The following ZNF385D variants were observed in gnomAD, a reference collection of about 807,000 sequenced individuals.
The protein encoded by ZNF385D is zinc finger protein 385D, also known as zinc finger protein 659.
ZNF385D carries 15 observed loss-of-function variants against 35.8 expected under a neutral mutation model. The ratio of observed to expected loss-of-function variants is 0.42; its 90% CI spans 0.28 to 0.64. The LOEUF (loss-of-function observed/expected upper bound fraction) is 0.64. Ranked by LOEUF, ZNF385D falls within the 30% of genes least tolerant of loss-of-function variation. ZNF385D has a pLI of 0.23. For missense variants in ZNF385D, 474 were observed against 494.6 expected (o/e 0.96, Z 0.39); for synonymous variants, 212 against 186.8 (o/e 1.13, Z -1.10).
At position 22,066,362 on chromosome 3, in the gene ZNF385D, C is replaced by G. The variant is rs557433040; in HGVS notation, c.325+102455G>C. 4.9e-5 allele frequency among the ~76,000 whole-genome samples: 7 copies of G among 144,216 alleles called. No homozygotes were observed. The East Asian group carries it at 1.4e-3, about 29-fold the overall frequency. 94.6% of individuals were successfully genotyped at this position (144,216 alleles called of 152,430 possible). A position where few individuals can be genotyped will look rare whatever the true frequency, so the allele number is the denominator to read the frequency against. Reference sequence around the variant, plus strand: ...AAAAGATACTGGGCGAGATGGTTCCCTGTGTGTGTGTGTGTATGTAAAAAG... The same window carrying G: ...AAAAGATACTGGGCGAGATGGTTCCGTGTGTGTGTGTGTGTATGTAAAAAG... On this transcript the variant is annotated intron_variant, in intron 3 of 5. Coordinates refer to the ZNF385D transcript ENST00000494108.
chr3:21,691,216 TTC>T (rs2067273930), intron 1 of ZNF385D, among the ~76,000 whole-genome samples: 3 of 152,124 alleles, frequency 2.0e-5, no homozygotes, highest in Admixed American at 1.3e-4. Context: ...TCCAGGTTGT[TTC>T]TGTGTTGCCA....
upstream of ZNF385D, among the ~76,000 whole-genome samples, chr3:21,751,731 T>C (rs1283492753): frequency 6.6e-6 from 1 of 152,148 alleles, no homozygotes; most frequent in Non-Finnish European, 1.5e-5. Context: ...AGAAAGCTAG[T>C]ACTTGGTGAA....
intron 3 of ZNF385D, among the ~76,000 whole-genome samples, chr3:21,787,179 G>A (rs1472081595): frequency 1.3e-5 from 2 of 152,120 alleles, no homozygotes; most frequent in East Asian, 1.9e-4. Flanking sequence ...TATCTGGGGG[G>A]TTACTGATGA....
chr3:21,440,192 T>G (rs1701786954), intron 4 of ZNF385D, among the ~76,000 whole-genome samples: 1 of 152,088 alleles, frequency 6.6e-6, no homozygotes, highest in South Asian at 2.1e-4. Flanking sequence ...GCAAAGAAGT[T>G]TACTTTAATA....
chr3:21,660,467 G>C (rs1196629217), intron 2 of ZNF385D, among the ~76,000 whole-genome samples: 1 of 152,074 alleles, frequency 6.6e-6, no homozygotes, highest in Non-Finnish European at 1.5e-5. Context: ...ATGGGGACGG[G>C]GGCATGGTAT....
At chr3:21,433,563 A>C (rs1425855865) in intron 5 of ZNF385D, among the ~76,000 whole-genome samples, 1 of 152,090 alleles carries the variant, frequency 6.6e-6, no homozygotes, top group Non-Finnish European at 1.5e-5. Flanking sequence ...GCACTATTAG[A>C]GGGGCAGGGC....
intron 3 of ZNF385D, among the ~76,000 whole-genome samples, chr3:22,100,601 A>G (rs1362596917): frequency 1.3e-5 from 2 of 149,404 alleles, no homozygotes; most frequent in African/African-American, 2.5e-5. Context: ...ACCAAACATC[A>G]CATATTCTCA....
At chr3:22,049,089 G>T (rs561183317) in intron 3 of ZNF385D, among the ~76,000 whole-genome samples, 2 of 152,102 alleles carry the variant, frequency 1.3e-5, no homozygotes, top group South Asian at 4.1e-4. Context: ...TTCAGGTCAG[G>T]AGTTTGAGAC....
chr3:22,292,714 CTGTATTTG>C (rs1410402458), intron 2 of ZNF385D, among the ~76,000 whole-genome samples: 1 of 152,008 alleles, frequency 6.6e-6, no homozygotes, highest in African/African-American at 2.4e-5. Flanking sequence ...TATTTGTTTT[CTGTATTTG>C]ATAGTTAGAA....
At chr3:21,578,743 G>A (rs897556269) in intron 2 of ZNF385D, among the ~76,000 whole-genome samples, 3 of 152,146 alleles carry the variant, frequency 2.0e-5, no homozygotes, top group Non-Finnish European at 2.9e-5. Flanking sequence ...TAGCTTTGTA[G>A]TGAATTTTGA....
rs368658679 is a variant in ZNF385D, at chr3:22,190,178, G to A, written c.107-21143C>T. Among the ~76,000 whole-genome samples, 4 of 152,104 alleles carry A rather than the reference G, an allele frequency of 2.6e-5. No individual in the cohort carries two copies. In the East Asian group the frequency reaches 5.8e-4, roughly 22 times the overall value. On this transcript the variant is annotated intron_variant, in intron 2 of 5. Coordinates refer to the ZNF385D transcript ENST00000494108. ...TAATTTCTAAAACAATTACTTGTGG[G>A]CAAATATATTAATAATATTCAAATA...
chr3:21,476,363 A>T (rs971010699), intron 4 of ZNF385D, among the ~76,000 whole-genome samples: 1 of 152,072 alleles, frequency 6.6e-6, no homozygotes, highest in African/African-American at 2.4e-5. Context: ...CTTTGAAGCA[A>T]TTATCCTTGA....
At chr3:21,739,953 G>T (rs73822034) in intron 1 of ZNF385D, among the ~76,000 whole-genome samples, 2,175 of 152,168 alleles carry the variant, frequency 0.014, 52 homozygotes, top group African/African-American at 0.05. Flanking sequence ...ATTAAGAAAC[G>T]GAGGCTCAAA....
intron 3 of ZNF385D, chr3:22,133,698 ACT>A (rs1703938405): frequency 1.3e-5 from 2 of 152,044 alleles, no homozygotes; most frequent in South Asian, 4.2e-4. Flanking sequence ...CTATCAGAAG[ACT>A]CTGAAAAATT....
chr3:22,124,410 GA>G (rs1269004935), intron 3 of ZNF385D, among the ~76,000 whole-genome samples: 4 of 152,062 alleles, frequency 2.6e-5, no homozygotes, highest in Non-Finnish European at 5.9e-5. Context: ...ATATCTCTTT[GA>G]TATACTGATT....
At chr3:21,769,012 T>C (rs1231821228) in intron 3 of ZNF385D, among the ~76,000 whole-genome samples, 2 of 152,050 alleles carry the variant, frequency 1.3e-5, no homozygotes, top group Non-Finnish European at 2.9e-5. Flanking sequence ...TTGTTATAAA[T>C]AGCTCTTATT....
In ZNF385D at chr3:21,983,553, G is replaced by A. The variant is rs1576081655; in HGVS notation, c.325+185264C>T. On this transcript the variant is annotated intron_variant, in intron 3 of 5. Transcript: ENST00000494108. ...TGTATATGTGCCACATTTTCTTCAT[G>A]CAGTCTATCATTGTTGGACATTTGG... 2.0e-5 allele frequency among the ~76,000 whole-genome samples: 3 copies of A among 146,712 alleles called. No homozygotes were observed. The Admixed American group carries it at 2.1e-4, about 10-fold the overall frequency.
chr3:22,279,526 A>ATATGTACATATATATG (rs1553640887), intron 2 of ZNF385D, among the ~76,000 whole-genome samples: 41 of 139,770 alleles, frequency 2.9e-4, no homozygotes, highest in African/African-American at 1.0e-3. Flanking sequence ...ATACATATAC[A>ATATGTACATATATATG]TATGTACATA....
intron 3 of ZNF385D, among the ~76,000 whole-genome samples, chr3:21,944,859 A>G (rs1222274158): frequency 6.6e-6 from 1 of 152,178 alleles, no homozygotes; most frequent in African/African-American, 2.4e-5. Flanking sequence ...AAATGTAGAT[A>G]TATATGTAAA....
Sources: allele counts gnomAD v4.1 joint callset (sites outside exome capture counted in the v4.1 genomes callset), GRCh38; gene constraint gnomAD v4.1.1; transcripts MANE v1.5; gene names NCBI Gene and HGNC (gene_info 2026-07-23, HGNC 2026-07-21).